Variants in CIMAP1D observed in about 807,000 individuals in gnomAD.
The protein encoded by CIMAP1D is protein CIMAP1D.
At chr19:480,071 C>A in the CIMAP1D span, among the ~76,000 whole-genome samples, 1 of 152,214 alleles carries the variant, frequency 6.6e-6, no homozygotes. Flanking sequence ...TCGGGAGCCT[C>A]GCGGAGAAGG....
chr19:480,560 G>A, the CIMAP1D span, among the ~76,000 whole-genome samples: 2,657 of 99,068 alleles, frequency 0.027, 44 homozygotes, highest in African/African-American at 0.07. Context: ...GATGGAGAAC[G>A]ATGATGGAGA....
At chr19:469,829 T>A in the CIMAP1D span, among the ~76,000 whole-genome samples, 2 of 152,296 alleles carry the variant, frequency 1.3e-5, no homozygotes, top group East Asian at 3.9e-4. Flanking sequence ...GGACTCCCCA[T>A]GCTGAAGCAC....
At chr19:480,461 G>A in the CIMAP1D span, among the ~76,000 whole-genome samples, 2 of 142,378 alleles carry the variant, frequency 1.4e-5, no homozygotes, top group Non-Finnish European at 3.0e-5. Context: ...AGGGGAGGAT[G>A]ATGGGAAGGA....
the CIMAP1D span, among the ~76,000 whole-genome samples, chr19:486,533 T>G: frequency 6.6e-6 from 1 of 151,850 alleles, no homozygotes; most frequent in African/African-American, 2.4e-5. Flanking sequence ...CTCCGCCTGG[T>G]GGGTTCAGGC....
the CIMAP1D span, chr19:489,218 G>A: frequency 1.3e-5 from 2 of 152,166 alleles, no homozygotes; most frequent in Non-Finnish European, 2.9e-5. Context: ...GCTGCGCCCT[G>A]CGGGTCGAGA....
the CIMAP1D span, chr19:474,679 C>T: frequency 6.3e-7 from 1 of 1,577,988 alleles, no homozygotes; most frequent in Admixed American, 1.8e-5. Flanking sequence ...GAATCTGGCC[C>T]TCCGTCACTC....
the CIMAP1D span, among the ~76,000 whole-genome samples, chr19:478,053 C>T: frequency 3.3e-5 from 5 of 152,262 alleles, no homozygotes; most frequent in Non-Finnish European, 7.3e-5. Flanking sequence ...CCCACAGGCC[C>T]TGTCACTGCC....
the CIMAP1D span, among the ~76,000 whole-genome samples, chr19:470,315 TCCTG>T: frequency 6.6e-6 from 1 of 150,672 alleles, no homozygotes. Context: ...CATGCCATTC[TCCTG>T]CCTCAGCCTC....
At chr19:477,690 T>A in the CIMAP1D span, among the ~76,000 whole-genome samples, 1 of 152,160 alleles carries the variant, frequency 6.6e-6, no homozygotes, top group African/African-American at 2.4e-5. Flanking sequence ...TGACACGGAG[T>A]CTCGCTCTGT....
the CIMAP1D span, among the ~76,000 whole-genome samples, chr19:476,503 T>G: frequency 6.6e-6 from 1 of 152,182 alleles, no homozygotes; most frequent in Admixed American, 6.6e-5. Context: ...AGTGTCATCT[T>G]TAACAGCTTT....
the CIMAP1D span, among the ~76,000 whole-genome samples, chr19:474,038 G>A: frequency 0.038 from 5,661 of 150,376 alleles, 190 homozygotes; most frequent in East Asian, 0.14. Context: ...ACTGAGGCCT[G>A]AGCCTCCCAG....
At chr19:468,972 CCT>C in the CIMAP1D span, among the ~76,000 whole-genome samples, 2 of 151,708 alleles carry the variant, frequency 1.3e-5, no homozygotes, top group East Asian at 3.9e-4. Context: ...TTTGCCCTCC[CCT>C]GAGGAGTCCG....
the CIMAP1D span, among the ~76,000 whole-genome samples, chr19:465,107 G>GTGGATGGATGGATGGA: frequency 9.8e-6 from 1 of 101,806 alleles, no homozygotes; most frequent in South Asian, 3.9e-4. Context: ...GGGTGAGTGG[G>GTGGATGGATGGATGGA]TGGATGGATG....
chr19:490,229 G>A, the CIMAP1D span: 38 of 305,236 alleles, frequency 1.2e-4, no homozygotes, highest in African/African-American at 7.7e-4. Flanking sequence ...GGTGGCGCAT[G>A]CCTGTGGTCC....
At chr19:472,285 G>T in the CIMAP1D span, 1 of 561,210 alleles carries the variant, frequency 1.8e-6, no homozygotes, top group South Asian at 3.0e-5. Context: ...CCTGCTTCCT[G>T]CCGCACTAAC....
At chr19:488,068 T>G in the CIMAP1D span, among the ~76,000 whole-genome samples, 9 of 152,148 alleles carry the variant, frequency 5.9e-5, no homozygotes, top group South Asian at 2.1e-4. Context: ...CTGAGAGTTG[T>G]GAGCCCTGAA....
the CIMAP1D span, among the ~76,000 whole-genome samples, chr19:483,738 A>G: frequency 6.6e-6 from 1 of 152,104 alleles, no homozygotes; most frequent in African/African-American, 2.4e-5. Flanking sequence ...TCTTCCTCTC[A>G]TGGGTCCCCG....
At chr19:487,186 G>C in the CIMAP1D span, among the ~76,000 whole-genome samples, 42 of 152,292 alleles carry the variant, frequency 2.8e-4, no homozygotes, top group Non-Finnish European at 5.4e-4. Context: ...GCTCATGCCA[G>C]CTCCTGAGCC....
the CIMAP1D span, among the ~76,000 whole-genome samples, chr19:483,852 T>C: frequency 6.6e-6 from 1 of 152,282 alleles, no homozygotes; most frequent in African/African-American, 2.4e-5. Context: ...CCTCTACCTG[T>C]CAGCCGCCAT....
Sources: gnomAD v4.1 joint callset for allele counts (sites outside exome capture counted in the v4.1 genomes callset) on GRCh38, gnomAD v4.1.1 for gene constraint, MANE v1.5 for transcripts, NCBI Gene and HGNC (gene_info 2026-07-23, HGNC 2026-07-21) for gene names.